Variants in PHF21B observed in about 807,000 individuals in gnomAD.
PHF21B encodes PHD finger protein 21B.
PHF21B carries 22 observed loss-of-function variants against 62.2 expected under a neutral mutation model. The observed-to-expected ratio is 0.35, with a 90% confidence interval of 0.25 to 0.51. The LOEUF is 0.51. Ranked by LOEUF, PHF21B falls within the 20% of genes least tolerant of loss-of-function variation. The probability of loss-of-function intolerance (pLI) is 0.97; values close to 1 mark genes in which losing one functional copy is unlikely to be tolerated. For missense variants in PHF21B, 701 were observed against 707.9 expected, an observed-to-expected ratio of 0.99 and a Z score of 0.11; for synonymous variants, 341 against 314.7, an observed-to-expected ratio of 1.08 and a Z score of -0.88.
rs912015547 is a variant in PHF21B at position 44,920,435 on chromosome 22, T to C, written c.176A>G (p.Gln59Arg). Residue 59 changes from glutamine to arginine, a missense_variant, in exon 3 of 13, where the codon CAG becomes CGG. Physicochemically the swap from Gln to Arg is conservative, Grantham distance 43. Coordinates refer to ENST00000313237, the MANE Select transcript of PHF21B (RefSeq NM_138415.5). The part of the protein sequence containing the change: ...PVTGPQVSSL[Q>R]RLAGQGAAVL... ...TGCCGCTCCTTGCCCGGCCAACCTC[T>C]GCAAGGAGCTGACCTGAGGACCCGT... The C allele has an allele frequency of 1.2e-6, 2 of 1,612,726 alleles. No homozygotes were observed. The highest frequency in any genetic ancestry group is 1.7e-6 in the Non-Finnish European group (2 of 1,179,366).
intron 2 of PHF21B, among the ~76,000 whole-genome samples, chr22:45,007,585 G>A (rs1278156228): frequency 1.0e-4 from 1 of 9,612 alleles, no homozygotes; most frequent in Non-Finnish European, 4.8e-4. Flanking sequence ...AGGGGGCAGC[G>A]GAGGGAGGGA....
intron 2 of PHF21B, among the ~76,000 whole-genome samples, chr22:44,993,986 C>G (rs1470971721): frequency 6.6e-6 from 1 of 152,202 alleles, no homozygotes; most frequent in Admixed American, 6.5e-5. Flanking sequence ...TTCAGAAGAT[C>G]CTGCCATCCC....
intron 2 of PHF21B, among the ~76,000 whole-genome samples, chr22:44,977,135 A>C (rs1382518011): frequency 6.6e-6 from 1 of 152,170 alleles, no homozygotes; most frequent in Non-Finnish European, 1.5e-5. Context: ...GAAAAGAAAG[A>C]AAAAAACGAA....
chr22:44,997,435 G>C (rs980547569), intron 2 of PHF21B, among the ~76,000 whole-genome samples: 1 of 152,058 alleles, frequency 6.6e-6, no homozygotes, highest in African/African-American at 2.4e-5. Flanking sequence ...GTGGACGTGG[G>C]CAATGTGGAC....
rs950003323 is a variant in PHF21B at position 44,954,177 on chromosome 22, G to A, written c.121-33687C>T. On this transcript the variant is annotated intron_variant, in intron 2 of 12. Coordinates refer to ENST00000313237, the MANE Select transcript of PHF21B (RefSeq NM_138415.5). ...TTCTTATTAATGCATTGTACGTTTCGTTTCTTTCTTGTTGTTAAAAAAAAA... is the reference window on the plus strand; with the variant it reads ...TTCTTATTAATGCATTGTACGTTTCATTTCTTTCTTGTTGTTAAAAAAAAA... Among the ~76,000 whole-genome samples the A allele has an allele frequency of 7.9e-5, 12 of 151,856 alleles. No individual in the cohort carries two copies. In the East Asian group the frequency reaches 1.3e-3, roughly 17 times the overall value.
chr22:44,896,765 TTTCTCCAGTTTTGTAATGACC>T (rs1283534859), intron 5 of PHF21B, among the ~76,000 whole-genome samples: 6 of 152,168 alleles, frequency 3.9e-5, no homozygotes, highest in East Asian at 1.9e-4. Context: ...GTAATGACCA[TTTCTCCAGTTTTGTAATGACC>T]TTCTCCAGTT....
chr22:44,975,366 G>A (rs942396952), intron 2 of PHF21B, among the ~76,000 whole-genome samples: 1 of 151,964 alleles, frequency 6.6e-6, no homozygotes, highest in Non-Finnish European at 1.5e-5. Flanking sequence ...CTTTGGGTGG[G>A]TGTCTCACAG....
intron 7 of PHF21B, among the ~76,000 whole-genome samples, chr22:44,892,286 C>T (rs994580536): frequency 2.6e-5 from 4 of 152,340 alleles, no homozygotes; most frequent in East Asian, 1.9e-4. Context: ...TGGTATGAAA[C>T]GGCCCACGTG....
At chr22:44,930,817 C>T (rs2071727072) in intron 2 of PHF21B, among the ~76,000 whole-genome samples, 1 of 152,236 alleles carries the variant, frequency 6.6e-6, no homozygotes. Flanking sequence ...AGGGCGGCAC[C>T]CCCCAACCCC....
In PHF21B at chr22:44,992,951, T is replaced by C. The variant is rs2073064953; in HGVS notation, c.120+15594A>G. On this transcript the variant is annotated intron_variant, in intron 2 of 12. Transcript: ENST00000313237. ...CCATTTTACAGATGCAGGGACTGAT[T>C]CAGAAAGAGCTGAGCTTTTACCCAA... 2.0e-5 allele frequency among the ~76,000 whole-genome samples: 3 copies of C among 152,140 alleles called. No individual in the cohort carries two copies. The South Asian group carries it at 6.2e-4, about 32-fold the overall frequency.
chr22:44,944,857 C>T (rs1172055824), intron 2 of PHF21B, among the ~76,000 whole-genome samples: 1 of 114,326 alleles, frequency 8.7e-6, no homozygotes, highest in Non-Finnish European at 1.8e-5. Context: ...GAAGGAAGGA[C>T]TTGGGGAAGG....
chr22:44,891,379 AAAC>A lies in PHF21B; in HGVS notation c.961-22_961-20del, dbSNP rs764611217. 6 of 1,612,680 alleles carry A rather than the reference AAAC, an allele frequency of 3.7e-6. No individual in the cohort carries two copies. In the Admixed American group the frequency reaches 5.0e-5, roughly 13 times the overall value. On this transcript the variant is annotated intron_variant, in intron 7 of 12. Coordinates refer to ENST00000313237, the MANE Select transcript of PHF21B (RefSeq NM_138415.5). ...GTTTCCTCTGCAGGGACAGAAAACA[AAAC>A]AACACACCCCATCATCTGGAGGCTC...
chr22:44,985,781 T>C (rs773672516), intron 2 of PHF21B, among the ~76,000 whole-genome samples: 1 of 152,096 alleles, frequency 6.6e-6, no homozygotes, highest in Non-Finnish European at 1.5e-5. Flanking sequence ...TGACCACCAC[T>C]GATGTTATCA....
intron 5 of PHF21B, among the ~76,000 whole-genome samples, chr22:44,909,362 C>T (rs1006157198): frequency 6.6e-6 from 1 of 152,202 alleles, no homozygotes; most frequent in African/African-American, 2.4e-5. Flanking sequence ...TCATGGGAGT[C>T]TTGGGCTGCC....
chr22:44,943,862 T>C (rs1601626463), intron 2 of PHF21B, among the ~76,000 whole-genome samples: 1 of 152,100 alleles, frequency 6.6e-6, no homozygotes, highest in Non-Finnish European at 1.5e-5. Context: ...CCTGCAGCAT[T>C]CCAGGCCCGG....
chr22:44,905,299 T>A (rs962372386), intron 5 of PHF21B, among the ~76,000 whole-genome samples: 1 of 152,250 alleles, frequency 6.6e-6, no homozygotes, highest in Non-Finnish European at 1.5e-5. Flanking sequence ...ACTAATTATC[T>A]CTGTTCCTGC....
chr22:44,882,918 G>T lies in PHF21B; in HGVS notation c.*168C>A. The T allele has an allele frequency of 1.2e-6, 1 of 813,796 alleles. No individual in the cohort carries two copies. The highest frequency in any genetic ancestry group is 1.9e-6 in the Non-Finnish European group (1 of 533,478). The allele number at this position is 813,796 out of a possible 1,614,324, so 50.4% of individuals were successfully genotyped here. ...AGGGCACAGGGCCGCACCCCCACCT[G>T]GTCCTGGCTCTAGGCCTCTCGCCCA... is the stretch of plus-strand genomic sequence containing the variant. On this transcript the variant is annotated 3_prime_UTR_variant, in exon 13 of 13. Transcript: ENST00000313237.
intron 7 of PHF21B, among the ~76,000 whole-genome samples, chr22:44,893,189 G>A (rs1227169690): frequency 2.6e-5 from 4 of 151,734 alleles, no homozygotes; most frequent in African/African-American, 4.8e-5. Flanking sequence ...GCAAGAAGCC[G>A]GTGTACCTCA....
chr22:44,979,585 C>A (rs2072800404), intron 2 of PHF21B, among the ~76,000 whole-genome samples: 1 of 152,324 alleles, frequency 6.6e-6, no homozygotes. Context: ...GTGCCCAGCG[C>A]CGTGGCAGCT....
Sources: allele counts gnomAD v4.1 joint callset (sites outside exome capture counted in the v4.1 genomes callset), GRCh38; gene constraint gnomAD v4.1.1; transcripts MANE v1.5; gene names NCBI Gene and HGNC (gene_info 2026-07-23, HGNC 2026-07-21).